Variants in ATL1 observed in about 807,000 individuals in gnomAD.
ATL1 encodes the protein atlastin GTPase 1, also known as atlastin-1.
ATL1 carries 31 observed loss-of-function variants against 75.5 expected under a neutral mutation model. The observed-to-expected ratio is 0.41, with a 90% confidence interval of 0.31 to 0.55. The LOEUF is 0.55. ATL1 is among the 20% of genes least tolerant of loss of function. The pLI is 0.27. For synonymous variants in ATL1, 226 were observed against 233.3 expected (o/e 0.97, Z 0.28); for missense variants, 405 against 662.6 (o/e 0.61, Z 4.27).
intron 8 of ATL1, among the ~76,000 whole-genome samples, chr14:50,617,077 A>G (rs902773485): frequency 6.6e-6 from 1 of 152,244 alleles, no homozygotes; most frequent in Admixed American, 6.5e-5. Flanking sequence ...ACACACAGAA[A>G]TAACTTTCTA....
intron 1 of ATL1, among the ~76,000 whole-genome samples, chr14:50,584,496 G>A (rs540261419): frequency 6.6e-6 from 1 of 152,202 alleles, no homozygotes; most frequent in Non-Finnish European, 1.5e-5. Flanking sequence ...GAGGTCAGGA[G>A]ATCGAGACCA....
At chr14:50,572,179 T>C (rs1402627162) in intron 1 of ATL1, 1 of 297,636 alleles carries the variant, frequency 3.4e-6, no homozygotes, top group Non-Finnish European at 6.4e-6. Context: ...CTGAATTTCC[T>C]TTCTTGCACT....
intron 1 of ATL1, among the ~76,000 whole-genome samples, chr14:50,570,080 C>T (rs2065746170): frequency 6.6e-6 from 1 of 152,124 alleles, no homozygotes; most frequent in Non-Finnish European, 1.5e-5. Context: ...AGATGTTTAT[C>T]TTTCATCAAA....
chr14:50,602,827 T>C (rs995798869), intron 6 of ATL1, among the ~76,000 whole-genome samples: 1 of 152,112 alleles, frequency 6.6e-6, no homozygotes, highest in African/African-American at 2.4e-5. Flanking sequence ...GTAGCCTTGA[T>C]GATTGATGCA....
chr14:50,600,509 A>G (rs915656925), intron 6 of ATL1, among the ~76,000 whole-genome samples: 1 of 152,232 alleles, frequency 6.6e-6, no homozygotes, highest in Non-Finnish European at 1.5e-5. Context: ...AACCAAATCC[A>G]AAACAAAAAA....
chr14:50,609,375 G>C (rs1014821994), intron 6 of ATL1, among the ~76,000 whole-genome samples: 1 of 151,918 alleles, frequency 6.6e-6, no homozygotes, highest in Non-Finnish European at 1.5e-5. Flanking sequence ...AGAATGAGGA[G>C]AGCATGTGCC....
intron 11 of ATL1, among the ~76,000 whole-genome samples, 184 bp downstream of exon 11, chr14:50,623,432 AATTTTGAAGGC>A (rs1312152545): frequency 8.5e-5 from 13 of 152,202 alleles, no homozygotes; most frequent in African/African-American, 3.1e-4. Flanking sequence ...TTGTGTGCAC[AATTTTGAAGGC>A]ATTTTAAATG....
intron 6 of ATL1, among the ~76,000 whole-genome samples, chr14:50,610,071 G>A (rs975735659): frequency 7.2e-5 from 11 of 151,758 alleles, no homozygotes; most frequent in African/African-American, 1.9e-4. Flanking sequence ...ATTCACACCC[G>A]CCTCTCTACC....
At chr14:50,619,662 C>T (rs926436412) in intron 8 of ATL1, among the ~76,000 whole-genome samples, 1 of 152,194 alleles carries the variant, frequency 6.6e-6, no homozygotes, top group Non-Finnish European at 1.5e-5. Flanking sequence ...TTATATCAAA[C>T]ATGACAACTA....
chr14:50,536,065 G>A (rs1432407765), intron 1 of ATL1, among the ~76,000 whole-genome samples: 1 of 152,216 alleles, frequency 6.6e-6, no homozygotes, highest in Non-Finnish European at 1.5e-5. Flanking sequence ...CAGCCACATG[G>A]AACTGTAAGT....
intron 1 of ATL1, among the ~76,000 whole-genome samples, chr14:50,573,852 C>T (rs759562832): frequency 3.9e-5 from 6 of 152,168 alleles, no homozygotes; most frequent in Non-Finnish European, 7.4e-5. Flanking sequence ...GGAATTGTTA[C>T]ATCTTCCTAA....
chr14:50,582,393 T>C (rs1467287486), intron 1 of ATL1, among the ~76,000 whole-genome samples: 1 of 151,786 alleles, frequency 6.6e-6, no homozygotes, highest in Non-Finnish European at 1.5e-5. Context: ...CTCCAATCTT[T>C]TATTACAAAC....
At chr14:50,579,015 A>G (rs1028908617) in intron 1 of ATL1, among the ~76,000 whole-genome samples, 5 of 152,204 alleles carry the variant, frequency 3.3e-5, no homozygotes, top group Admixed American at 6.5e-5. Flanking sequence ...AGTTATCAAT[A>G]TATTTTTTCA....
intron 1 of ATL1, among the ~76,000 whole-genome samples, chr14:50,537,791 C>T (rs1316854344): frequency 6.6e-6 from 1 of 152,192 alleles, no homozygotes; most frequent in East Asian, 1.9e-4. Flanking sequence ...GCCCATTTCT[C>T]CCATTTTGAA....
intron 1 of ATL1, among the ~76,000 whole-genome samples, chr14:50,535,880 G>A (rs903612123): frequency 1.6e-4 from 25 of 152,162 alleles, no homozygotes; most frequent in African/African-American, 5.8e-4. Flanking sequence ...AGGAGGTAAT[G>A]AATCATGAGG....
chr14:50,550,480 C>T (rs1417475297), intron 1 of ATL1, among the ~76,000 whole-genome samples: 1 of 152,174 alleles, frequency 6.6e-6, no homozygotes, highest in Non-Finnish European at 1.5e-5. Context: ...GATTCCTCCC[C>T]TTGTTAAGTT....
chr14:50,600,313 C>G (rs1469132498), intron 6 of ATL1, among the ~76,000 whole-genome samples: 1 of 151,284 alleles, frequency 6.6e-6, no homozygotes, highest in African/African-American at 2.4e-5. Context: ...AGAGATTACC[C>G]TAGTTAGTAA....
chr14:50,587,281 A>G (rs2039111017), intron 1 of ATL1, among the ~76,000 whole-genome samples: 1 of 152,226 alleles, frequency 6.6e-6, no homozygotes. Context: ...GCACTGACTT[A>G]GAGTTTTCTT....
At chr14:50,550,957 A>C (rs2038695026) in intron 1 of ATL1, among the ~76,000 whole-genome samples, 1 of 152,172 alleles carries the variant, frequency 6.6e-6, no homozygotes, top group Non-Finnish European at 1.5e-5. Context: ...AAAGAGCACA[A>C]ATAGACAACC....
Sources: allele counts gnomAD v4.1 joint callset (sites outside exome capture counted in the v4.1 genomes callset), GRCh38; gene constraint gnomAD v4.1.1; transcripts MANE v1.5; gene names NCBI Gene and HGNC (gene_info 2026-07-23, HGNC 2026-07-21).